PDE5A: variants seen among roughly 807,000 people sequenced by gnomAD.
The protein encoded by PDE5A is cGMP-specific 3',5'-cyclic phosphodiesterase.
A neutral mutation model predicts 110.2 loss-of-function variants in PDE5A; 67 were observed. The observed-to-expected ratio is 0.61, with a 90% CI of 0.50 to 0.75. The LOEUF is 0.75. Among genes scored for constraint, PDE5A ranks in the 30% least tolerant of loss-of-function variants. PDE5A has a pLI of 0.00. For missense variants in PDE5A, 862 were observed against 1,045.1 expected (o/e 0.82, Z 2.42); for synonymous variants, 328 against 351.2 (o/e 0.93, Z 0.74).
chr4:119,552,464 AT>A (rs1727388388), intron 9 of PDE5A, 85 bp downstream of exon 9: 1 of 485,718 alleles, frequency 2.1e-6, no homozygotes, highest in East Asian at 3.6e-5. Context: ...AAAACATTTT[AT>A]TCTTTACATT....
At chr4:119,538,268 C>T (rs906738890) in intron 11 of PDE5A, among the ~76,000 whole-genome samples, 2 of 152,096 alleles carry the variant, frequency 1.3e-5, no homozygotes, top group African/African-American at 4.8e-5. Context: ...CAGAAAAAGA[C>T]TCTCAATGAT....
At chr4:119,623,222 TG>T (rs1730223189) in intron 1 of PDE5A, among the ~76,000 whole-genome samples, 1 of 152,196 alleles carries the variant, frequency 6.6e-6, no homozygotes, top group South Asian at 2.1e-4. Flanking sequence ...ATTCACCAGC[TG>T]TAATAGTGGC....
intron 3 of PDE5A, among the ~76,000 whole-genome samples, chr4:119,591,117 C>A (rs534037941): frequency 6.6e-6 from 1 of 152,280 alleles, no homozygotes; most frequent in Admixed American, 6.5e-5. Context: ...TAGACTATGT[C>A]AGGGGCTGTG....
chr4:119,507,562 G>A (rs1009593030), intron 16 of PDE5A, 42 bp downstream of exon 16: 1 of 1,257,424 alleles, frequency 8.0e-7, no homozygotes, highest in African/African-American at 1.5e-5. Flanking sequence ...ACAATGAAAA[G>A]ACTTCAAATA....
At chr4:119,601,626 C>T (rs940769688) in intron 2 of PDE5A, among the ~76,000 whole-genome samples, 2 of 152,220 alleles carry the variant, frequency 1.3e-5, no homozygotes, top group African/African-American at 4.8e-5. Context: ...AATTGGTAGT[C>T]AGCCTGGAAG....
At chr4:119,612,872 G>A (rs1273908904) in intron 1 of PDE5A, among the ~76,000 whole-genome samples, 1 of 152,192 alleles carries the variant, frequency 6.6e-6, no homozygotes. Flanking sequence ...TCTAGACATA[G>A]ACTAAAGTGA....
At position 119,502,888 on chromosome 4, in the gene PDE5A, T is replaced by G. The variant is rs558951112; in HGVS notation, c.2332-233A>C. Among the ~76,000 whole-genome samples, 6 of 151,876 alleles carry G rather than the reference T, an allele frequency of 4.0e-5. 1 individual carries two copies. In the East Asian group the frequency reaches 1.2e-3, roughly 30 times the overall value. On this transcript the variant is annotated intron_variant, in intron 18 of 20. Transcript: ENST00000354960. The stretch of plus-strand genomic sequence containing the variant: ...CTGTCTTTGGTAGCTTCCAACATTT[T>G]TCCCTTTTAATTTTATTTAAAAATG...
At chr4:119,580,240 C>A (rs1728542612) in intron 3 of PDE5A, among the ~76,000 whole-genome samples, 3 of 152,168 alleles carry the variant, frequency 2.0e-5, no homozygotes, top group Admixed American at 2.0e-4. Flanking sequence ...CTCTGCCACA[C>A]TAGCTTTTAA....
intron 1 of PDE5A, among the ~76,000 whole-genome samples, chr4:119,619,526 C>A (rs998206792): frequency 7.2e-5 from 11 of 152,150 alleles, no homozygotes; most frequent in African/African-American, 2.7e-4. Flanking sequence ...CTTTCCAGTA[C>A]CTTACACAAT....
At chr4:119,501,106 C>T (rs1189116459) in intron 20 of PDE5A, 64 bp downstream of exon 20, 6 of 962,948 alleles carry the variant, frequency 6.2e-6, no homozygotes, top group Non-Finnish European at 8.2e-6. Context: ...TTAATCTCTT[C>T]AATTTTAGGT....
intron 3 of PDE5A, among the ~76,000 whole-genome samples, chr4:119,570,624 C>G (rs1728107429): frequency 6.6e-6 from 1 of 152,322 alleles, no homozygotes; most frequent in South Asian, 2.1e-4. Flanking sequence ...TTCAGGGCAA[C>G]TGATCATTGC....
chr4:119,534,098 G>A (rs1277114353), intron 11 of PDE5A, among the ~76,000 whole-genome samples: 1 of 152,170 alleles, frequency 6.6e-6, no homozygotes, highest in Non-Finnish European at 1.5e-5. Context: ...TCTTGCCAAT[G>A]TGAAAAACAT....
chr4:119,515,448 CCT>C (rs954212140), intron 14 of PDE5A, among the ~76,000 whole-genome samples: 22 of 152,060 alleles, frequency 1.4e-4, no homozygotes, highest in African/African-American at 2.9e-4. Context: ...TTTTTCTCCC[CCT>C]GATTGTATTG....
At chr4:119,623,831 T>A (rs1730247175) in intron 1 of PDE5A, among the ~76,000 whole-genome samples, 1 of 152,228 alleles carries the variant, frequency 6.6e-6, no homozygotes, top group Admixed American at 6.5e-5. Flanking sequence ...TTTAAGTTTG[T>A]GTTATACTAA....
chr4:119,525,421 G>A lies in PDE5A; in HGVS notation c.1779+128C>T. 2.5e-6 allele frequency: 2 copies of A among 800,882 alleles called. No homozygotes were observed. The highest frequency in any genetic ancestry group is 3.8e-6 in the Non-Finnish European group (2 of 527,940). The allele number at this position is 800,882 out of a possible 1,614,324, so 49.6% of individuals were successfully genotyped here. On this transcript the variant is annotated intron_variant, in intron 12 of 20. Coordinates refer to ENST00000354960, the MANE Select transcript of PDE5A (RefSeq NM_001083.4). The surrounding 1 kb of genome is among the most constrained non-coding windows in gnomAD (Gnocchi z 4.3). ...TTTAAAAGTCTCGGGTATATATTAG[G>A]TGACAGTATATTAATCACTAAAATG... is the stretch of plus-strand genomic sequence containing the variant.
intron 2 of PDE5A, among the ~76,000 whole-genome samples, chr4:119,600,212 A>T (rs1729296422): frequency 6.6e-6 from 1 of 151,950 alleles, no homozygotes; most frequent in East Asian, 1.9e-4. Flanking sequence ...AGAGTAAGGA[A>T]GCCTAGTCTT....
At chr4:119,615,753 C>T (rs1352879478) in intron 1 of PDE5A, among the ~76,000 whole-genome samples, 1 of 152,150 alleles carries the variant, frequency 6.6e-6, no homozygotes, top group Non-Finnish European at 1.5e-5. Flanking sequence ...GGACTCTCCA[C>T]TTTCATGTAT....
Position 119,627,237 on chromosome 4 carries a change from G to A in PDE5A, c.152+1283C>T, listed in dbSNP as rs1730384558. The A allele has an allele frequency of 3.1e-6, 5 of 1,607,308 alleles. No homozygotes were observed. The highest frequency in any genetic ancestry group is 1.1e-5 in the South Asian group (1 of 90,178). ...TCCTGGACTCCAGGAGGCTCCGTAG[G>A]GGCAACAACGCGCGCAGGTGAGGTG... On this transcript the variant is annotated intron_variant, in intron 1 of 20. Transcript: ENST00000354960. This position sits in a 1 kb window ranked among gnomAD's most constrained non-coding sequence, Gnocchi z 4.6.
Position 119,497,640 on chromosome 4 carries a change from T to C in PDE5A, c.*961A>G, listed in dbSNP as rs1725124183. On this transcript the variant is annotated 3_prime_UTR_variant, in exon 21 of 21. Transcript: ENST00000354960. ...TTTGCTATTTATATAATTAAAACTT[T>C]TCTTTAAATTTCAATTGACAGGAAA... is the stretch of plus-strand genomic sequence containing the variant. 1 of 152,196 alleles carries C rather than the reference T, an allele frequency of 6.6e-6. No homozygotes were observed. 9.4% of individuals were successfully genotyped at this position (152,196 alleles called of 1,614,324 possible). A position where few individuals can be genotyped will look rare whatever the true frequency, so the allele number is the denominator to read the frequency against.
Sources: allele counts gnomAD v4.1 joint callset (sites outside exome capture counted in the v4.1 genomes callset), GRCh38; gene constraint gnomAD v4.1.1; non-coding constraint Gnocchi (gnomAD v3.1); transcripts MANE v1.5; gene names NCBI Gene and HGNC (gene_info 2026-07-23, HGNC 2026-07-21).